JHY: variants seen among roughly 807,000 people sequenced by gnomAD.
The protein encoded by JHY is jhy protein homolog.
In JHY, 69 loss-of-function variants were observed where a neutral mutation model predicts 78.0. That is an observed-to-expected ratio of 0.88 (90% CI 0.73 to 1.08). The LOEUF (loss-of-function observed/expected upper bound fraction) is 1.08. Ranked by LOEUF, JHY falls within the 50% of genes least tolerant of loss-of-function variation. The pLI is 0.00. For synonymous variants in JHY, 368 were observed against 342.6 expected (o/e 1.07, Z -0.82); for missense variants, 944 against 927.8 (o/e 1.02, Z -0.23).
At chr11:122,922,953 G>T (rs538271149) in intron 3 of JHY, among the ~76,000 whole-genome samples, 1 of 151,796 alleles carries the variant, frequency 6.6e-6, no homozygotes, top group South Asian at 2.1e-4. Flanking sequence ...GTAACAAAAC[G>T]CATGTAAAGT....
chr11:122,913,344 A>G (rs1473128962), intron 3 of JHY, among the ~76,000 whole-genome samples: 1 of 152,242 alleles, frequency 6.6e-6, no homozygotes, highest in Non-Finnish European at 1.5e-5. Flanking sequence ...ACTCGGGATC[A>G]TGTATTTGGT....
chr11:122,957,645 T>C (rs1406606286), intron 8 of JHY, among the ~76,000 whole-genome samples, 154 bp downstream of exon 8: 2 of 147,678 alleles, frequency 1.4e-5, no homozygotes, highest in African/African-American at 2.5e-5. Context: ...TCCTCCAAAC[T>C]AAGCCTCCCC....
At chr11:122,915,544 G>A (rs555618223) in intron 3 of JHY, among the ~76,000 whole-genome samples, 6 of 152,126 alleles carry the variant, frequency 3.9e-5, no homozygotes, top group Middle Eastern at 3.4e-3. Context: ...ACAGAGTCTC[G>A]CCCTGTCATC....
chr11:122,961,120 C>A lies in JHY; in HGVS notation c.*1675C>A. Reference sequence around the variant, plus strand: ...CTATCCCAATTGAGAGAGCCAGAAACAGTTGACTGACTAAATGGAAACTAG... The same window carrying A: ...CTATCCCAATTGAGAGAGCCAGAAAAAGTTGACTGACTAAATGGAAACTAG... On this transcript the variant is annotated 3_prime_UTR_variant, in exon 9 of 9. Transcript: ENST00000227349. 3 of 909,778 alleles carry A rather than the reference C, an allele frequency of 3.3e-6. No homozygotes were observed. Among genetic ancestry groups the A allele is most frequent in the South Asian group, 2.9e-5 (2 of 70,064 alleles). 56.4% of individuals were successfully genotyped at this position (909,778 alleles called of 1,614,324 possible). A position where few individuals can be genotyped will look rare whatever the true frequency, so the allele number is the denominator to read the frequency against.
intron 5 of JHY, among the ~76,000 whole-genome samples, chr11:122,936,954 G>A (rs1863770127): frequency 6.6e-6 from 1 of 152,150 alleles, no homozygotes; most frequent in South Asian, 2.1e-4. Flanking sequence ...TTGAAGGTTT[G>A]ATAGAATTTT....
intron 2 of JHY, 136 bp downstream of exon 2, chr11:122,886,329 A>C: frequency 1.2e-6 from 1 of 808,754 alleles, no homozygotes; most frequent in East Asian, 2.7e-5. Context: ...CCAAGCAGCC[A>C]AGGATAGCTG....
chr11:122,922,235 A>G (rs1863381656), intron 3 of JHY, among the ~76,000 whole-genome samples: 1 of 152,232 alleles, frequency 6.6e-6, no homozygotes. Flanking sequence ...TTTCAGATCA[A>G]CCTTTAAGTA....
chr11:122,919,343 ACT>A (rs1863304300), intron 3 of JHY, among the ~76,000 whole-genome samples: 1 of 122,404 alleles, frequency 8.2e-6, no homozygotes, highest in Non-Finnish European at 1.6e-5. Context: ...ACAGAGAGAG[ACT>A]CTGTCTCAAA....
At position 122,901,029 on chromosome 11, in the gene JHY, AT is replaced by A. The variant is rs1052968551; in HGVS notation, c.345-2891del. On this transcript the variant is annotated intron_variant, in intron 2 of 8. Coordinates refer to ENST00000227349, the MANE Select transcript of JHY (RefSeq NM_024806.4). Reference sequence around the variant, plus strand: ...TGATGACAGGGGTACGTTCTGAGAAATTTTTGGTTAGGTGATTTCATCATTG... The same window carrying A: ...TGATGACAGGGGTACGTTCTGAGAAATTTTGGTTAGGTGATTTCATCATTG... 5.9e-5 allele frequency among the ~76,000 whole-genome samples: 9 copies of A among 152,254 alleles called. No homozygotes were observed. In the South Asian group the frequency reaches 6.2e-4, roughly 11 times the overall value.
At position 122,956,536 on chromosome 11, in the gene JHY, T is replaced by C. The variant is rs1000646432; in HGVS notation, c.1970T>C (p.Leu657Pro). 6 of 1,613,772 alleles carry C rather than the reference T, an allele frequency of 3.7e-6. No individual in the cohort carries two copies. Among genetic ancestry groups the C allele is most frequent in the Non-Finnish European group, 4.2e-6 (5 of 1,179,730 alleles). Residue 657 changes from leucine to proline, a missense_variant, in exon 7 of 9, where the codon CTT becomes CCT. By Grantham distance (98) the Leu-to-Pro change is moderately conservative (BLOSUM62 -3). Transcript: ENST00000227349. ...LKGYQKRDVK[L>P]GGLGPDFESI... The stretch of plus-strand genomic sequence containing the variant: ...GGTTATCAGAAAAGAGACGTGAAGC[T>C]TGGAGGCCTCGGACCTGACTTTGAG...
chr11:122,951,990 C>CTTT lies in JHY; in HGVS notation c.1930-4491_1930-4489dup, dbSNP rs768377869. On this transcript the variant is annotated intron_variant, in intron 6 of 8. Transcript: ENST00000227349. ...TAACAAGACTATCATTGTTGATTTA[C>CTTT]TTTTTTTTTTTTTTTTTAGTATTGT... Among the ~76,000 whole-genome samples the CTTT allele has an allele frequency of 7.5e-3, 997 of 133,454 alleles. 13 individuals are homozygous for CTTT. Among genetic ancestry groups the CTTT allele is most frequent in the African/African-American group, 0.025 (920 of 36,632 alleles). 87.6% of individuals were successfully genotyped at this position (133,454 alleles called of 152,430 possible).
Position 122,955,242 on chromosome 11 carries a change from C to A in JHY, c.1930-1254C>A, listed in dbSNP as rs574682541. Among the ~76,000 whole-genome samples the A allele has an allele frequency of 7.2e-5, 11 of 152,088 alleles. No homozygotes were observed. The East Asian group carries it at 1.9e-3, about 27-fold the overall frequency. On this transcript the variant is annotated intron_variant, in intron 6 of 8. Transcript: ENST00000227349. ...TTCAAGCGATTCTCCTGCCTCAGCC[C>A]CCCGAGTAGCTGGGATTACAGGTGC... is the stretch of plus-strand genomic sequence containing the variant.
At chr11:122,951,910 AT>A (rs1250147791) in intron 6 of JHY, among the ~76,000 whole-genome samples, 4 of 151,388 alleles carry the variant, frequency 2.6e-5, no homozygotes, top group Non-Finnish European at 5.9e-5. Context: ...CTCATCAGGG[AT>A]TGGTTGAGAG....
At position 122,903,937 on chromosome 11, in the gene JHY, A is replaced by T. The variant is rs772569750; in HGVS notation, c.357A>T (p.Ile119=). Residue 119 remains isoleucine, a synonymous_variant, in exon 3 of 9, where the codon ATA becomes ATT. Coordinates refer to ENST00000227349, the MANE Select transcript of JHY (RefSeq NM_024806.4). ...DQGANNRQQP[I]EDKYSDLRYD... Reference sequence around the variant, plus strand: ...CTGCTTTGGGCAGGCAACAACCAATAGAAGACAAATATTCAGACCTCCGCT... The same window carrying T: ...CTGCTTTGGGCAGGCAACAACCAATTGAAGACAAATATTCAGACCTCCGCT... 2.5e-6 allele frequency: 4 copies of T among 1,586,180 alleles called. No homozygotes were observed. In the African/African-American group the frequency reaches 5.4e-5, roughly 21 times the overall value.
chr11:122,909,544 C>A (rs1863069774), intron 3 of JHY, among the ~76,000 whole-genome samples: 1 of 152,098 alleles, frequency 6.6e-6, no homozygotes, highest in African/African-American at 2.4e-5. Flanking sequence ...TTTTGGGAGG[C>A]CAAAGCGGGC....
chr11:122,932,879 C>G (rs1437882328), intron 4 of JHY, among the ~76,000 whole-genome samples: 1 of 152,116 alleles, frequency 6.6e-6, no homozygotes, highest in Admixed American at 6.5e-5. Flanking sequence ...GAGAAGTTTT[C>G]CCTTTTTTGG....
At chr11:122,922,401 G>T (rs963589183) in intron 3 of JHY, among the ~76,000 whole-genome samples, 1 of 152,194 alleles carries the variant, frequency 6.6e-6, no homozygotes, top group African/African-American at 2.4e-5. Context: ...TCCAGGGAAG[G>T]CACATTGAGT....
intron 3 of JHY, among the ~76,000 whole-genome samples, chr11:122,908,391 G>T (rs900278978): frequency 1.3e-5 from 2 of 152,192 alleles, no homozygotes; most frequent in African/African-American, 4.8e-5. Context: ...AATTTAAAGT[G>T]CTTATGAACC....
At chr11:122,955,496 A>G (rs1864169116) in intron 6 of JHY, among the ~76,000 whole-genome samples, 1 of 152,160 alleles carries the variant, frequency 6.6e-6, no homozygotes, top group African/African-American at 2.4e-5. Flanking sequence ...AGGCAGTAGA[A>G]TATTAGGGTT....
Sources: gnomAD v4.1 joint callset for allele counts (sites outside exome capture counted in the v4.1 genomes callset) on GRCh38, gnomAD v4.1.1 for gene constraint, MANE v1.5 for transcripts, NCBI Gene and HGNC (gene_info 2026-07-23, HGNC 2026-07-21) for gene names.